The following WWOX variants were observed in gnomAD, a reference collection of about 807,000 sequenced individuals.
WWOX encodes the protein WW domain containing oxidoreductase, also known as WW domain-containing oxidoreductase.
Under a neutral mutation model 46.2 loss-of-function variants are expected in WWOX, and 69 were observed. That is an observed-to-expected ratio of 1.49 (90% CI 1.23 to 1.82). WWOX has a LOEUF of 1.82. Ranked by LOEUF, WWOX falls within the 40% of genes most tolerant of loss-of-function variation. The probability of loss-of-function intolerance (pLI) is 0.00; values close to 1 mark genes in which losing one functional copy is unlikely to be tolerated. For synonymous variants in WWOX, 359 were observed against 202.6 expected, an observed-to-expected ratio of 1.77 and a Z score of -6.56; for missense variants, 919 against 542.6, an observed-to-expected ratio of 1.69 and a Z score of -6.89.
In WWOX at chr16:78,505,593, G is replaced by A. The variant is rs145638874; in HGVS notation, c.1056+72841G>A. On this transcript the variant is annotated intron_variant, in intron 8 of 8. Transcript: ENST00000566780. ...AGCGCCCAGTGCCCTACCTCTTGGG[G>A]CCAGCCAGCCTCACCAAAAAATCAC... Among the ~76,000 whole-genome samples the A allele has an allele frequency of 6.4e-3, 976 of 152,232 alleles. 5 individuals are homozygous for A. Among genetic ancestry groups the A allele is most frequent in the African/African-American group, 0.019 (806 of 41,550 alleles).
intron 8 of WWOX, among the ~76,000 whole-genome samples, chr16:78,992,751 C>A (rs943587176): frequency 6.6e-6 from 1 of 152,114 alleles, no homozygotes; most frequent in African/African-American, 2.4e-5. Flanking sequence ...CTGCCAGGGT[C>A]CCTGACTCCC....
At chr16:78,807,728 GC>G in intron 8 of WWOX, among the ~76,000 whole-genome samples, 2 of 152,318 alleles carry the variant, frequency 1.3e-5, no homozygotes, top group Admixed American at 1.3e-4. Context: ...CATAATTGGG[GC>G]TTCTCCAAAG....
intron 4 of WWOX, among the ~76,000 whole-genome samples, chr16:78,132,584 A>G (rs1014504296): frequency 2.0e-5 from 3 of 152,346 alleles, no homozygotes; most frequent in African/African-American, 7.2e-5. Flanking sequence ...GTCCATGCTT[A>G]TAACCTGAGC....
chr16:78,601,585 A>G (rs1192840355), intron 8 of WWOX, among the ~76,000 whole-genome samples: 1 of 152,256 alleles, frequency 6.6e-6, no homozygotes, highest in Non-Finnish European at 1.5e-5. Flanking sequence ...AGGGGAAGAA[A>G]TAGCTTTACC....
At chr16:78,707,240 T>G (rs545527142) in intron 8 of WWOX, among the ~76,000 whole-genome samples, 1 of 152,280 alleles carries the variant, frequency 6.6e-6, no homozygotes, top group Non-Finnish European at 1.5e-5. Context: ...GGGAATAAAA[T>G]AATTCCTCAG....
rs142815819 is a variant in WWOX, at chr16:78,860,844, G to C, written c.1057-350764G>C. Reference sequence around the variant, plus strand: ...GATTTCTCTCCCAGGTGTTTGTTTTGTTTTGTTTTTGAGATAGGGTCTCAC... The same window carrying C: ...GATTTCTCTCCCAGGTGTTTGTTTTCTTTTGTTTTTGAGATAGGGTCTCAC... On this transcript the variant is annotated intron_variant, in intron 8 of 8. Transcript: ENST00000566780. Among the ~76,000 whole-genome samples the C allele has an allele frequency of 3.2e-3, 485 of 152,162 alleles. 3 individuals carry two copies. The highest frequency in any genetic ancestry group is 0.011 in the African/African-American group (457 of 41,504).
intron 4 of WWOX, among the ~76,000 whole-genome samples, chr16:78,157,920 A>C (rs779917986): frequency 6.6e-6 from 1 of 152,214 alleles, no homozygotes; most frequent in Non-Finnish European, 1.5e-5. Flanking sequence ...GGCAACTAAC[A>C]TTTGTTTTCC....
At chr16:78,651,921 G>C (rs555768743) in intron 8 of WWOX, among the ~76,000 whole-genome samples, 5 of 152,248 alleles carry the variant, frequency 3.3e-5, no homozygotes, top group East Asian at 1.9e-4. Flanking sequence ...GAGAGTGTAA[G>C]TAAAATGCAA....
intron 8 of WWOX, among the ~76,000 whole-genome samples, chr16:78,851,358 A>T (rs1021443153): frequency 1.3e-5 from 2 of 152,228 alleles, no homozygotes; most frequent in African/African-American, 2.4e-5. Flanking sequence ...GAATTTTCTT[A>T]TAGGTGGAAC....
chr16:79,067,341 A>C (rs2048460170), intron 8 of WWOX, among the ~76,000 whole-genome samples: 3 of 152,178 alleles, frequency 2.0e-5, no homozygotes, highest in African/African-American at 7.2e-5. Flanking sequence ...CTTGACATCA[A>C]AATGGCTGTT....
At chr16:79,040,334 G>T (rs1489727589) in intron 8 of WWOX, among the ~76,000 whole-genome samples, 5 of 150,694 alleles carry the variant, frequency 3.3e-5, no homozygotes, top group South Asian at 2.1e-4. Flanking sequence ...GAGTGCGGTG[G>T]TGCGATCTCA....
intron 8 of WWOX, among the ~76,000 whole-genome samples, chr16:79,179,735 A>G (rs2050872409): frequency 6.6e-6 from 1 of 152,158 alleles, no homozygotes; most frequent in South Asian, 2.1e-4. Flanking sequence ...AATCCAGTAG[A>G]TGTTTGAATG....
chr16:78,569,163 T>C (rs1363833653), intron 8 of WWOX, among the ~76,000 whole-genome samples: 11 of 152,176 alleles, frequency 7.2e-5, no homozygotes, highest in Admixed American at 7.2e-4. Flanking sequence ...GGAAGAACCC[T>C]ATGGGCAGAA....
At position 78,347,933 on chromosome 16, in the gene WWOX, G is replaced by C. The variant is rs11864876; in HGVS notation, c.517-38927G>C. Among the ~76,000 whole-genome samples the C allele has an allele frequency of 4.4e-3, 532 of 122,018 alleles. 111 individuals carry two copies. Among genetic ancestry groups the C allele is most frequent in the African/African-American group, 0.014 (506 of 36,154 alleles). 80.0% of individuals were successfully genotyped at this position (122,018 alleles called of 152,430 possible). ...ACAATATGGACTATGGTCTTATTCT[G>C]TTTAACGGTATGAAGGCTCGCCTGA... On this transcript the variant is annotated intron_variant, in intron 5 of 8. Transcript: ENST00000566780.
At chr16:79,116,675 C>A (rs1256016945) in intron 8 of WWOX, among the ~76,000 whole-genome samples, 1 of 152,136 alleles carries the variant, frequency 6.6e-6, no homozygotes, top group Non-Finnish European at 1.5e-5. Flanking sequence ...TTACTTCCTC[C>A]ACTAACTTTT....
chr16:78,964,574 G>A (rs1370799883), intron 8 of WWOX, among the ~76,000 whole-genome samples: 3 of 152,204 alleles, frequency 2.0e-5, no homozygotes, highest in African/African-American at 7.2e-5. Context: ...GAGCATCAAG[G>A]TTTGGAAAAT....
At chr16:78,197,282 A>G (rs142511511) in intron 5 of WWOX, among the ~76,000 whole-genome samples, 66 of 152,330 alleles carry the variant, frequency 4.3e-4, no homozygotes, top group African/African-American at 1.5e-3. Context: ...ACTCTTTCCC[A>G]TATACCACAG....
intron 8 of WWOX, among the ~76,000 whole-genome samples, chr16:79,068,220 A>G (rs2048477991): frequency 6.6e-6 from 1 of 152,214 alleles, no homozygotes. Context: ...TAGCAACGGT[A>G]ACTAATGATG....
At chr16:78,212,670 AG>A (rs2036593922) in intron 5 of WWOX, among the ~76,000 whole-genome samples, 1 of 152,198 alleles carries the variant, frequency 6.6e-6, no homozygotes, top group African/African-American at 2.4e-5. Context: ...GGAACCAAAA[AG>A]GACGCAAGAT....
Sources: allele counts gnomAD v4.1 joint callset (sites outside exome capture counted in the v4.1 genomes callset), GRCh38; gene constraint gnomAD v4.1.1; transcripts MANE v1.5; gene names NCBI Gene and HGNC (gene_info 2026-07-23, HGNC 2026-07-21).